APAF1: variants seen among roughly 807,000 people sequenced by gnomAD.
The protein encoded by APAF1 is apoptotic protease-activating factor 1.
APAF1 carries 91 observed loss-of-function variants against 152.4 expected under a neutral mutation model. The observed-to-expected ratio is 0.60, with a 90% CI of 0.50 to 0.71. APAF1 has a LOEUF of 0.71. Among genes scored for constraint, APAF1 ranks in the 30% least tolerant of loss-of-function variants. The probability of loss-of-function intolerance (pLI) is 0.00; values close to 1 mark genes in which losing one functional copy is unlikely to be tolerated. For synonymous variants in APAF1, 484 were observed against 494.1 expected (o/e 0.98, Z 0.27); for missense variants, 1,283 against 1,472.0 (o/e 0.87, Z 2.10).
chr12:98,722,196 A>G (rs1396935627), intron 22 of APAF1, among the ~76,000 whole-genome samples: 1 of 152,188 alleles, frequency 6.6e-6, no homozygotes, highest in Non-Finnish European at 1.5e-5. Flanking sequence ...TGTGAATCAC[A>G]CTTTAAACCC....
intron 10 of APAF1, among the ~76,000 whole-genome samples, chr12:98,667,855 T>G (rs2097675310): frequency 7.7e-6 from 1 of 129,392 alleles, no homozygotes; most frequent in Non-Finnish European, 1.6e-5. Flanking sequence ...CATTACACCC[T>G]CACCTCCTGG....
chr12:98,686,825 A>C lies in APAF1; in HGVS notation c.2256A>C (p.Ser752=). The C allele has an allele frequency of 4.3e-6, 7 of 1,614,006 alleles. No homozygotes were observed. Among genetic ancestry groups the C allele is most frequent in the Non-Finnish European group, 5.9e-6 (7 of 1,179,944 alleles). ...HTNSVNHCRF[S]PDDKLLASCS... is the part of the protein sequence containing the mutation. ...ATTCAGTCAATCACTGCAGATTTTCACCAGATGATAAGCTTTTGGCTAGTT... is the reference window on the plus strand; with the variant it reads ...ATTCAGTCAATCACTGCAGATTTTCCCCAGATGATAAGCTTTTGGCTAGTT... Residue 752 remains serine, a synonymous_variant, in exon 16 of 27, where the codon TCA becomes TCC. Coordinates refer to ENST00000551964, the MANE Select transcript of APAF1 (RefSeq NM_181861.2).
At chr12:98,683,358 A>T in intron 15 of APAF1, 84 bp downstream of exon 15, 1 of 1,328,782 alleles carries the variant, frequency 7.5e-7, no homozygotes. Context: ...GTATACTACT[A>T]TTAGGACTTT....
rs995945249 is a variant in APAF1, at chr12:98,665,856, G to C, written c.1194+65G>C. 5 of 1,362,120 alleles carry C rather than the reference G, an allele frequency of 3.7e-6. No homozygotes were observed. In the African/African-American group the frequency reaches 7.1e-5, roughly 19 times the overall value. The allele number at this position is 1,362,120 out of a possible 1,614,324, so 84.4% of individuals were successfully genotyped here. A position where few individuals can be genotyped will look rare whatever the true frequency, so the allele number is the denominator to read the frequency against. Reference sequence around the variant, plus strand: ...CATGTAAGCTTTGATATAGTACTGAGCATGTTGTTACAGAGAACCTTGGAA... The same window carrying C: ...CATGTAAGCTTTGATATAGTACTGACCATGTTGTTACAGAGAACCTTGGAA... On this transcript the variant is annotated intron_variant, in intron 8 of 26. Transcript: ENST00000551964.
chr12:98,654,999 T>C (rs2097654781), intron 4 of APAF1, among the ~76,000 whole-genome samples: 1 of 124,234 alleles, frequency 8.0e-6, no homozygotes, highest in Non-Finnish European at 1.7e-5. Context: ...TTTGTGTCCC[T>C]GATTACTTGA....
At chr12:98,685,671 T>C (rs1489025013) in intron 15 of APAF1, among the ~76,000 whole-genome samples, 2 of 148,334 alleles carry the variant, frequency 1.3e-5, no homozygotes, top group Non-Finnish European at 3.0e-5. Context: ...AGTCTTCCTC[T>C]ATCACCCAGG....
chr12:98,677,650 T>G (rs2097688027), intron 13 of APAF1, 99 bp downstream of exon 13: 2 of 1,409,208 alleles, frequency 1.4e-6, no homozygotes, highest in Admixed American at 3.5e-5. Flanking sequence ...AATTGCAACT[T>G]AGAAATAACA....
chr12:98,720,241 A>C (rs950775071), intron 22 of APAF1, among the ~76,000 whole-genome samples: 3 of 152,194 alleles, frequency 2.0e-5, no homozygotes, highest in African/African-American at 7.2e-5. Context: ...TTTTTAGAAA[A>C]GGAGTTAGAT....
In APAF1 at chr12:98,648,349, T is replaced by G. The variant is rs111232069; in HGVS notation, c.-11T>G. The G allele has an allele frequency of 1.5e-4, 237 of 1,614,042 alleles. 2 individuals are homozygous for G. In the African/African-American group the frequency reaches 2.9e-3, roughly 20 times the overall value. ...GGTTGACAGCTCAGAGAGAGAAAGATCTGAGGGAAGATGGATGCAAAAGCT... is the reference window on the plus strand; with the variant it reads ...GGTTGACAGCTCAGAGAGAGAAAGAGCTGAGGGAAGATGGATGCAAAAGCT... On this transcript the variant is annotated 5_prime_UTR_variant, in exon 2 of 27. Coordinates refer to ENST00000551964, the MANE Select transcript of APAF1 (RefSeq NM_181861.2).
intron 15 of APAF1, among the ~76,000 whole-genome samples, chr12:98,684,997 C>T (rs1229904371): frequency 6.6e-6 from 1 of 152,140 alleles, no homozygotes; most frequent in East Asian, 1.9e-4. Context: ...TGTGAAGCTG[C>T]CTTCATGTAA....
intron 19 of APAF1, among the ~76,000 whole-genome samples, chr12:98,707,541 G>A (rs572987240): frequency 1.3e-5 from 2 of 152,062 alleles, no homozygotes; most frequent in East Asian, 3.9e-4. Context: ...ACACTCCACT[G>A]CTTCTCTGGC....
At chr12:98,689,495 T>TGTGA (rs142801463) in intron 16 of APAF1, among the ~76,000 whole-genome samples, 25,669 of 151,014 alleles carry the variant, frequency 0.17, 2,318 homozygotes, top group Non-Finnish European at 0.2. Context: ...TGTGTGTGTG[T>TGTGA]GAGAGAGAGA....
At chr12:98,719,259 C>A (rs764543038) in intron 22 of APAF1, among the ~76,000 whole-genome samples, 3 of 152,172 alleles carry the variant, frequency 2.0e-5, no homozygotes, top group Non-Finnish European at 4.4e-5. Context: ...TTCTTAGCCC[C>A]ACCCTCATTT....
At chr12:98,697,296 C>G in intron 16 of APAF1, among the ~76,000 whole-genome samples, 1 of 152,118 alleles carries the variant, frequency 6.6e-6, no homozygotes, top group Non-Finnish European at 1.5e-5. Context: ...TGTGCTATAC[C>G]TTTTCCTTTC....
chr12:98,708,441 A>T (rs1393561870), intron 19 of APAF1, 144 bp from the exon 20 acceptor site: 2 of 868,556 alleles, frequency 2.3e-6, no homozygotes, highest in Admixed American at 5.4e-5. Flanking sequence ...TGTGTTAGTA[A>T]ATATTTATTT....
intron 20 of APAF1, among the ~76,000 whole-genome samples, chr12:98,712,020 T>G (rs1209609806): frequency 1.3e-5 from 2 of 152,204 alleles, no homozygotes; most frequent in African/African-American, 2.4e-5. Context: ...TGGAGCTAGC[T>G]GTGGGATTAC....
rs752560095 is a variant in APAF1, at chr12:98,703,427, C to T, written c.2523C>T (p.Ser841=). 9 of 1,613,940 alleles carry T rather than the reference C, an allele frequency of 5.6e-6. No individual in the cohort carries two copies. In the South Asian group the frequency reaches 9.9e-5, roughly 18 times the overall value. ...GAGAAATCCACACGGGCCATCACAG[C>T]ACCATCCAGTACTGTGACTTCTCCC... ...LLGEIHTGHH[S]TIQYCDFSPQ... Residue 841 remains serine, a synonymous_variant, in exon 18 of 27, where the codon AGC becomes AGT. Transcript: ENST00000551964.
At position 98,699,439 on chromosome 12, in the gene APAF1, A is replaced by T; in HGVS notation, c.2336A>T (p.Lys779Ile). ...LWDATSANERKSINVKQFFLN... is the reference protein window; with the variant it reads ...LWDATSANERISINVKQFFLN... The stretch of plus-strand genomic sequence containing the variant: ...GATGCGACATCAGCAAATGAGAGGA[A>T]AAGCATTAATGTGAAACAGTTCTTC... The change falls in exon 17 of 27, where the codon AAA (lysine) becomes ATA (isoleucine). Residue 779 changes from lysine (K) to isoleucine (I), a missense_variant. Physicochemically the swap from Lys to Ile is moderately radical, Grantham distance 102 (BLOSUM62 -3). Transcript: ENST00000551964. 6.2e-7 allele frequency: 1 copy of T among 1,614,146 alleles called. No homozygotes were observed. Among genetic ancestry groups the T allele is most frequent in the African/African-American group, 1.3e-5 (1 of 75,064 alleles).
rs554125919 is a variant in APAF1, at chr12:98,686,344, C to T, written c.2179-404C>T. Among the ~76,000 whole-genome samples, 17 of 152,238 alleles carry T rather than the reference C, an allele frequency of 1.1e-4. No individual in the cohort carries two copies. The South Asian group carries it at 2.1e-3, about 19-fold the overall frequency. On this transcript the variant is annotated intron_variant, in intron 15 of 26. Coordinates refer to ENST00000551964, the MANE Select transcript of APAF1 (RefSeq NM_181861.2). ...TCCTAGAGGTGGTACTTGACTTGCT[C>T]CACCATTTTTAGGGTTGGATAACCT...
Sources: gnomAD v4.1 joint callset for allele counts (sites outside exome capture counted in the v4.1 genomes callset) on GRCh38, gnomAD v4.1.1 for gene constraint, MANE v1.5 for transcripts, NCBI Gene and HGNC (gene_info 2026-07-23, HGNC 2026-07-21) for gene names.